CCBE1: variants seen among roughly 807,000 people sequenced by gnomAD.
CCBE1 encodes the protein collagen and calcium-binding EGF domain-containing protein 1.
Under a neutral mutation model 50.0 loss-of-function variants are expected in CCBE1, and 37 were observed. That is an observed-to-expected ratio of 0.74 (90% CI 0.57 to 0.97). The LOEUF (loss-of-function observed/expected upper bound fraction) is 0.97. Among genes scored for constraint, CCBE1 ranks in the 50% least tolerant of loss-of-function variants. CCBE1 has a pLI of 0.00. For synonymous variants in CCBE1, 234 were observed against 203.7 expected (o/e 1.15, Z -1.27); for missense variants, 538 against 523.8 (o/e 1.03, Z -0.26).
chr18:59,461,269 T>A lies in CCBE1; in HGVS notation c.553+5470A>T, dbSNP rs1003191520. ...CCCCTTCCCCGCCACCACTGGCCCTTGCTGGGCCACACTGCTGAAGAGTGG... is the reference window on the plus strand; with the variant it reads ...CCCCTTCCCCGCCACCACTGGCCCTAGCTGGGCCACACTGCTGAAGAGTGG... On this transcript the variant is annotated intron_variant, in intron 5 of 10. Coordinates refer to ENST00000439986, the MANE Select transcript of CCBE1 (RefSeq NM_133459.4). Among the ~76,000 whole-genome samples, 19 of 151,088 alleles carry A rather than the reference T, an allele frequency of 1.3e-4. No homozygotes were observed. The East Asian group carries it at 3.7e-3, about 29-fold the overall frequency.
At chr18:59,633,443 T>G (rs961781453) in intron 2 of CCBE1, among the ~76,000 whole-genome samples, 2 of 152,234 alleles carry the variant, frequency 1.3e-5, no homozygotes, top group Non-Finnish European at 2.9e-5. Flanking sequence ...TCAGGCGTAT[T>G]GTTTCATTAT....
At chr18:59,570,205 G>A (rs1201412368) in intron 2 of CCBE1, among the ~76,000 whole-genome samples, 1 of 152,156 alleles carries the variant, frequency 6.6e-6, no homozygotes, top group African/African-American at 2.4e-5. Context: ...ACTCTGATAT[G>A]AATAATTAAG....
intron 2 of CCBE1, among the ~76,000 whole-genome samples, chr18:59,606,744 T>A (rs920533267): frequency 3.9e-5 from 6 of 152,244 alleles, no homozygotes; most frequent in African/African-American, 1.4e-4. Flanking sequence ...CTGAGAAATC[T>A]GAGCATGAGT....
At chr18:59,482,802 C>A (rs1376344761) in intron 2 of CCBE1, among the ~76,000 whole-genome samples, 1 of 151,854 alleles carries the variant, frequency 6.6e-6, no homozygotes, top group Non-Finnish European at 1.5e-5. Context: ...ATATGAGAAG[C>A]TGAGAATTAA....
rs144387834 is a variant in CCBE1 at position 59,650,741 on chromosome 18, C to A, written c.212+45888G>T. 1.7e-3 allele frequency among the ~76,000 whole-genome samples: 251 copies of A among 151,626 alleles called. 2 individuals are homozygous for A. Among genetic ancestry groups the A allele is most frequent in the African/African-American group, 5.9e-3 (242 of 41,356 alleles). On this transcript the variant is annotated intron_variant, in intron 2 of 10. Coordinates refer to ENST00000439986, the MANE Select transcript of CCBE1 (RefSeq NM_133459.4). The stretch of plus-strand genomic sequence containing the variant: ...TCTTTATTCATCATGAATTTCTCCA[C>A]TCTCACTGCCTTGCATGTTGTACTG...
intron 2 of CCBE1, among the ~76,000 whole-genome samples, chr18:59,591,365 A>G (rs2053266239): frequency 6.6e-6 from 1 of 151,324 alleles, no homozygotes; most frequent in African/African-American, 2.4e-5. Context: ...ACTTTTGCAT[A>G]GTGAAAAATG....
At chr18:59,470,519 T>C (rs143447212) in intron 3 of CCBE1, among the ~76,000 whole-genome samples, 1 of 152,304 alleles carries the variant, frequency 6.6e-6, no homozygotes, top group Non-Finnish European at 1.5e-5. Flanking sequence ...GGGGGGTTGA[T>C]CTCTCATGCT....
chr18:59,533,703 C>T (rs1367761736), intron 2 of CCBE1, among the ~76,000 whole-genome samples: 1 of 152,124 alleles, frequency 6.6e-6, no homozygotes, highest in African/African-American at 2.4e-5. Flanking sequence ...TTCATGAGCA[C>T]CCCAAAATTC....
chr18:59,472,224 T>G (rs1166791069), intron 3 of CCBE1, among the ~76,000 whole-genome samples: 1 of 152,232 alleles, frequency 6.6e-6, no homozygotes, highest in African/African-American at 2.4e-5. Context: ...TCCAAACTTC[T>G]AAGTTTTCAC....
chr18:59,679,862 G>C (rs892275703), intron 2 of CCBE1, among the ~76,000 whole-genome samples: 1 of 152,124 alleles, frequency 6.6e-6, no homozygotes, highest in Non-Finnish European at 1.5e-5. Context: ...CTAGAAAGGC[G>C]GGACAACTTG....
At chr18:59,694,160 G>A (rs527686694) in intron 2 of CCBE1, among the ~76,000 whole-genome samples, 41 of 152,038 alleles carry the variant, frequency 2.7e-4, no homozygotes, top group African/African-American at 8.9e-4. Context: ...ATGAGCCACC[G>A]CACCCGGCCT....
intron 2 of CCBE1, among the ~76,000 whole-genome samples, chr18:59,550,998 C>CAAAAAAAAAAAAAAAAAAAAAAAAAA (rs555160847): frequency 6.9e-4 from 49 of 71,372 alleles, no homozygotes; most frequent in Middle Eastern, 0.012. Flanking sequence ...CAGCGAGACT[C>CAAAAAAAAAAAAAAAAAAAAAAAAAA]AAAAAAAAAA....
At chr18:59,506,771 G>A (rs1436617310) in intron 2 of CCBE1, among the ~76,000 whole-genome samples, 1 of 152,206 alleles carries the variant, frequency 6.6e-6, no homozygotes, top group African/African-American at 2.4e-5. Context: ...AGTGGAAAGT[G>A]TGTTTCTATC....
In CCBE1 at chr18:59,657,860, C is replaced by T. The variant is rs185472712; in HGVS notation, c.212+38769G>A. ...GAGCCCAGATTGTGCCACTGCACTC[C>T]AGCCTGGGCAACAACAACAAACAAC... is the stretch of plus-strand genomic sequence containing the variant. On this transcript the variant is annotated intron_variant, in intron 2 of 10. Coordinates refer to ENST00000439986, the MANE Select transcript of CCBE1 (RefSeq NM_133459.4). Among the ~76,000 whole-genome samples the T allele has an allele frequency of 9.5e-4, 144 of 151,034 alleles. 1 individual carries two copies. The highest frequency in any genetic ancestry group is 3.4e-3 in the African/African-American group (137 of 40,418).
At position 59,601,093 on chromosome 18, in the gene CCBE1, G is replaced by A. The variant is rs149193492; in HGVS notation, c.212+95536C>T. 4.5e-3 allele frequency among the ~76,000 whole-genome samples: 605 copies of A among 134,872 alleles called. 7 individuals carry two copies. Among genetic ancestry groups the A allele is most frequent in the African/African-American group, 0.016 (588 of 35,960 alleles). 88.5% of individuals were successfully genotyped at this position (134,872 alleles called of 152,430 possible). On this transcript the variant is annotated intron_variant, in intron 2 of 10. Coordinates refer to ENST00000439986, the MANE Select transcript of CCBE1 (RefSeq NM_133459.4). ...GTCTCCCAGGCTGGAGTGCAGTGGT[G>A]CAATCTCGGCTCACTGCAACCTCTG...
intron 2 of CCBE1, among the ~76,000 whole-genome samples, chr18:59,666,619 TG>T (rs202141908): frequency 9.2e-4 from 126 of 136,348 alleles, no homozygotes; most frequent in Admixed American, 3.2e-3. Context: ...TTTTTTGAGG[TG>T]GGGGGGTGGG....
At chr18:59,619,963 A>G (rs890464328) in intron 2 of CCBE1, among the ~76,000 whole-genome samples, 2 of 152,218 alleles carry the variant, frequency 1.3e-5, no homozygotes, top group Admixed American at 1.3e-4. Flanking sequence ...TCACGGCAGA[A>G]AGCTGGACAA....
rs2053865893 is a variant in CCBE1 at position 59,632,762 on chromosome 18, AT to A, written c.212+63866del. Among the ~76,000 whole-genome samples, 7 of 126,768 alleles carry A rather than the reference AT, an allele frequency of 5.5e-5. No homozygotes were observed. The South Asian group carries it at 1.6e-3, about 28-fold the overall frequency. 83.2% of individuals were successfully genotyped at this position (126,768 alleles called of 152,430 possible). ...ACACCACCACACCTGGCTAATTTTT[AT>A]TTTATTTGTTTTATTTTATTTTTTT... On this transcript the variant is annotated intron_variant, in intron 2 of 10. Transcript: ENST00000439986.
At chr18:59,548,615 C>T (rs555713826) in intron 2 of CCBE1, among the ~76,000 whole-genome samples, 1 of 152,240 alleles carries the variant, frequency 6.6e-6, no homozygotes, top group South Asian at 2.1e-4. Context: ...ACTGACCAAC[C>T]CATTGCAGAA....
Sources: allele counts gnomAD v4.1 joint callset (sites outside exome capture counted in the v4.1 genomes callset), GRCh38; gene constraint gnomAD v4.1.1; transcripts MANE v1.5; gene names NCBI Gene and HGNC (gene_info 2026-07-23, HGNC 2026-07-21).